The following DHX9 variants were observed in gnomAD, a reference collection of about 807,000 sequenced individuals.
DHX9 encodes ATP-dependent RNA helicase A.
In DHX9, 27 loss-of-function variants were observed where a neutral mutation model predicts 148.7. The ratio of observed to expected loss-of-function variants is 0.18; its 90% CI spans 0.13 to 0.25. DHX9 has a LOEUF of 0.25. Among genes scored for constraint, DHX9 ranks in the 10% least tolerant of loss-of-function variants. The probability of loss-of-function intolerance (pLI) is 1.00; values close to 1 mark genes in which losing one functional copy is unlikely to be tolerated. For synonymous variants in DHX9, 529 were observed against 516.6 expected, an observed-to-expected ratio of 1.02 and a Z score of -0.33; for missense variants, 796 against 1,559.6, an observed-to-expected ratio of 0.51 and a Z score of 8.25.
In DHX9 at chr1:182,858,842, C is replaced by G. The variant is rs1003979961; in HGVS notation, c.1010C>G (p.Ser337Cys). The change falls in exon 10 of 28, where the codon TCC becomes TGC. Residue 337 changes from serine (S) to cysteine (C), a missense_variant. Ser to Cys is a moderately radical substitution (Grantham distance 112, BLOSUM62 -1). Around this residue, in one of 14 missense-constraint regions of DHX9, gnomAD observed 11 missense variants for 42.5 expected, o/e 0.26. Coordinates refer to ENST00000367549, the MANE Select transcript of DHX9 (RefSeq NM_001357.5). The stretch of plus-strand genomic sequence containing the variant: ...GTGGTTCCTTGGTCACCTCCACAAT[C>G]CAACTGGAATCCTTGGACTAGTAGC... Reference protein sequence around the residue: ...VGVVPWSPPQSNWNPWTSSNI... With the variant: ...VGVVPWSPPQCNWNPWTSSNI... 2.5e-6 allele frequency: 4 copies of G among 1,614,200 alleles called. No individual in the cohort carries two copies. Among genetic ancestry groups the G allele is most frequent in the Non-Finnish European group, 3.4e-6 (4 of 1,180,042 alleles).
chr1:182,845,612 G>A (rs1190922443), intron 3 of DHX9, among the ~76,000 whole-genome samples: 1 of 152,088 alleles, frequency 6.6e-6, no homozygotes, highest in African/African-American at 2.4e-5. Context: ...TGGAGATAGC[G>A]TCAGACTCCA....
At chr1:182,868,126 G>A (rs1450212352) in intron 14 of DHX9, among the ~76,000 whole-genome samples, 2 of 151,786 alleles carry the variant, frequency 1.3e-5, no homozygotes, top group African/African-American at 2.4e-5. Flanking sequence ...CAGGAAAGGG[G>A]GTCAAAGACC....
At chr1:182,869,100 A>G (rs1169466093) in intron 14 of DHX9, among the ~76,000 whole-genome samples, 1 of 152,214 alleles carries the variant, frequency 6.6e-6, no homozygotes, top group Non-Finnish European at 1.5e-5. Context: ...TTTCTAAAAC[A>G]GTAAGTTTTG....
chr1:182,858,617 C>T lies in DHX9; in HGVS notation c.877C>T (p.Leu293=). ...EHQLQNIIQE[L]NLEILPPPED... is the part of the protein sequence containing the mutation. Reference sequence around the variant, plus strand: ...TCAGCTGCAAAACATCATTCAAGAGCTAAATCTTGAGATTTTGCCCCCGGT... The same window carrying T: ...TCAGCTGCAAAACATCATTCAAGAGTTAAATCTTGAGATTTTGCCCCCGGT... Residue 293 remains leucine (L), a synonymous_variant, in exon 9 of 28, where the codon CTA becomes TTA. Coordinates refer to ENST00000367549, the MANE Select transcript of DHX9 (RefSeq NM_001357.5). The T allele has an allele frequency of 6.2e-7, 1 of 1,609,970 alleles. No individual in the cohort carries two copies. Among genetic ancestry groups the T allele is most frequent in the Non-Finnish European group, 8.5e-7 (1 of 1,176,838 alleles).
At chr1:182,853,183 CG>C in intron 4 of DHX9, 122 bp from the exon 5 acceptor site, 1 of 673,696 alleles carries the variant, frequency 1.5e-6, no homozygotes, top group Non-Finnish European at 2.6e-6. Flanking sequence ...CCTCAGCGTC[CG>C]GAAGTGCTGG....
At chr1:182,885,731 C>T (rs1187017173) in intron 27 of DHX9, among the ~76,000 whole-genome samples, 2 of 152,180 alleles carry the variant, frequency 1.3e-5, no homozygotes, top group African/African-American at 4.8e-5. Flanking sequence ...CAGCTAATAA[C>T]TGATAGAACC....
Position 182,884,634 on chromosome 1 carries a change from T to C in DHX9, c.3282T>C (p.His1094=), listed in dbSNP as rs199552563. Residue 1094 remains histidine (H), a synonymous_variant, in exon 27 of 28, where the codon CAT becomes CAC. Coordinates refer to ENST00000367549, the MANE Select transcript of DHX9 (RefSeq NM_001357.5). ...TTAGGATTAAACTGCAAATATCTCA[T>C]GAAGCTGCTGCCTGTATCACTGGTC... is the stretch of plus-strand genomic sequence containing the variant. ...VDDWIKLQIS[H]EAAACITGLR... The C allele has an allele frequency of 2.0e-3, 3,292 of 1,614,182 alleles. 6 individuals carry two copies. Among genetic ancestry groups the C allele is most frequent in the Non-Finnish European group, 2.6e-3 (3,087 of 1,180,020 alleles).
chr1:182,845,178 A>G (rs1017485851), intron 3 of DHX9, among the ~76,000 whole-genome samples: 14 of 152,142 alleles, frequency 9.2e-5, no homozygotes, highest in African/African-American at 2.9e-4. Context: ...AAATGAAGGG[A>G]TTGGGCAAGA....
At chr1:182,877,465 C>T (rs11806584) in intron 19 of DHX9, 2,684 of 153,830 alleles carry the variant, frequency 0.017, 70 homozygotes, top group African/African-American at 0.056. Context: ...CTTAGTCTGT[C>T]CTGACAATGA....
chr1:182,869,135 A>C (rs1292291441), intron 14 of DHX9, among the ~76,000 whole-genome samples: 1 of 152,222 alleles, frequency 6.6e-6, no homozygotes, highest in Non-Finnish European at 1.5e-5. Flanking sequence ...CTTAAGATGT[A>C]AGTCTGGGCC....
intron 3 of DHX9, among the ~76,000 whole-genome samples, chr1:182,850,391 T>G (rs935134752): frequency 6.6e-6 from 1 of 152,004 alleles, no homozygotes; most frequent in Admixed American, 6.5e-5. Flanking sequence ...GTCCAGAAGT[T>G]CAAGACCAGC....
intron 14 of DHX9, among the ~76,000 whole-genome samples, chr1:182,868,778 C>G (rs1040201460): frequency 1.3e-5 from 2 of 152,014 alleles, no homozygotes; most frequent in African/African-American, 4.8e-5. Flanking sequence ...GGCCTCAAAG[C>G]ATTTCTTAAA....
intron 12 of DHX9, among the ~76,000 whole-genome samples, chr1:182,864,245 C>T (rs937672193): frequency 1.3e-5 from 2 of 152,144 alleles, no homozygotes; most frequent in Non-Finnish European, 2.9e-5. Flanking sequence ...TATCACCTGA[C>T]CTAACTGATG....
rs59218081 is a variant in DHX9 at position 182,868,520 on chromosome 1, C to CTTTTTTTTTTTTTTTTTTTTTTT, written c.1557+1491_1557+1492insTTTTTTTTTTTTTTTTTTTTTTT. ...GATAATCTAACACTTATTTTAATTC[C>CTTTTTTTTTTTTTTTTTTTTTTT]TTTTTTTTTTTTTTGAGGAGTCTTG... On this transcript the variant is annotated intron_variant, in intron 14 of 27. Coordinates refer to ENST00000367549, the MANE Select transcript of DHX9 (RefSeq NM_001357.5). Among the ~76,000 whole-genome samples, 97 of 127,484 alleles carry CTTTTTTTTTTTTTTTTTTTTTTT rather than the reference C, an allele frequency of 7.6e-4. 7 individuals are homozygous for CTTTTTTTTTTTTTTTTTTTTTTT. The highest frequency in any genetic ancestry group is 3.2e-3 in the African/African-American group (90 of 27,838). 83.6% of individuals were successfully genotyped at this position (127,484 alleles called of 152,430 possible). A position where few individuals can be genotyped will look rare whatever the true frequency, so the allele number is the denominator to read the frequency against.
intron 19 of DHX9, 60 bp downstream of exon 19, chr1:182,876,963 A>G: frequency 8.0e-7 from 1 of 1,243,942 alleles, no homozygotes; most frequent in Non-Finnish European, 1.2e-6. Flanking sequence ...ACTTCTTACC[A>G]GTTAACAGAA....
intron 3 of DHX9, among the ~76,000 whole-genome samples, chr1:182,844,862 C>T (rs966115237): frequency 1.3e-5 from 2 of 151,868 alleles, no homozygotes. Flanking sequence ...AGATTTTCAC[C>T]ATGTTGGCCA....
intron 24 of DHX9, among the ~76,000 whole-genome samples, chr1:182,882,444 G>GA (rs1382002349): frequency 6.6e-6 from 1 of 152,162 alleles, no homozygotes; most frequent in Non-Finnish European, 1.5e-5. Flanking sequence ...ATTCCAGTAG[G>GA]TGTCCTCTTA....
chr1:182,859,260 C>A, intron 11 of DHX9, 143 bp downstream of exon 11: 1 of 634,196 alleles, frequency 1.6e-6, no homozygotes, highest in East Asian at 2.9e-5. Context: ...CCTAGTTACC[C>A]CTGAAGTTAG....
chr1:182,869,584 G>A (rs1648469355), intron 14 of DHX9, among the ~76,000 whole-genome samples: 1 of 151,936 alleles, frequency 6.6e-6, no homozygotes, highest in South Asian at 2.1e-4. Context: ...GTGTTGTCTA[G>A]TTTGGTCTGG....
Sources: gnomAD v4.1 joint callset for allele counts (sites outside exome capture counted in the v4.1 genomes callset) on GRCh38, gnomAD v4.1.1 for gene constraint, gnomAD v4.1.1 regional missense constraint, MANE v1.5 for transcripts, NCBI Gene and HGNC (gene_info 2026-07-23, HGNC 2026-07-21) for gene names.